The following FGFR2 variants were observed in gnomAD, a reference collection of about 807,000 sequenced individuals.
The protein encoded by FGFR2 is fibroblast growth factor receptor 2.
A neutral mutation model predicts 95.9 loss-of-function variants in FGFR2; 19 were observed. That is an observed-to-expected ratio of 0.20 (90% confidence interval 0.14 to 0.29). FGFR2 has a LOEUF of 0.29. FGFR2 is among the 10% of genes least tolerant of loss of function. The pLI, the probability that FGFR2 is intolerant of heterozygous loss-of-function variation, is 1.00. For missense variants in FGFR2, 707 were observed against 1,056.9 expected, an observed-to-expected ratio of 0.67 and a Z score of 4.59; for synonymous variants, 392 against 393.3, an observed-to-expected ratio of 1.00 and a Z score of 0.04.
intron 4 of FGFR2, among the ~76,000 whole-genome samples, chr10:121,563,496 A>T (rs1282715983): frequency 2.0e-5 from 3 of 152,236 alleles, no homozygotes; most frequent in Non-Finnish European, 2.9e-5. Flanking sequence ...ATGTAAGCAG[A>T]GAATCCCAAT....
intron 9 of FGFR2, among the ~76,000 whole-genome samples, chr10:121,510,318 A>C (rs995781672): frequency 1.3e-5 from 2 of 152,174 alleles, no homozygotes; most frequent in African/African-American, 4.8e-5. Context: ...GCCAAGGTCC[A>C]GGTCAGATCT....
rs121918497 is a variant in FGFR2 at position 121,520,052 on chromosome 10, T to G, written c.866A>C (p.Gln289Pro). 1 of 1,614,206 alleles carries G rather than the reference T, an allele frequency of 6.2e-7. No homozygotes were observed. The highest frequency in any genetic ancestry group is 8.5e-7 in the Non-Finnish European group (1 of 1,180,036). Reference protein sequence around the residue: ...KVYSDAQPHIQWIKHVEKNGS... With the variant: ...KVYSDAQPHIPWIKHVEKNGS... ...GTTCTTTTCCACGTGCTTGATCCAC[T>G]GGATGTGGGGCTGGGCATCACTGTA... Residue 289 changes from glutamine to proline, a missense_variant, in exon 7 of 18, where the codon CAG becomes CCG. Physicochemically the swap from Gln to Pro is moderately conservative, Grantham distance 76 (BLOSUM62 -1). Transcript: ENST00000358487.
chr10:121,529,352 C>T (rs1851802416), intron 6 of FGFR2, among the ~76,000 whole-genome samples: 3 of 152,316 alleles, frequency 2.0e-5, no homozygotes, highest in African/African-American at 7.2e-5. Context: ...TCAAATGATC[C>T]ACCTGCCTCA....
At chr10:121,508,167 C>T (rs565316159) in intron 9 of FGFR2, among the ~76,000 whole-genome samples, 4 of 152,254 alleles carry the variant, frequency 2.6e-5, no homozygotes, top group East Asian at 1.9e-4. Flanking sequence ...GCATACCAAG[C>T]GACGATTGTA....
intron 6 of FGFR2, among the ~76,000 whole-genome samples, chr10:121,530,136 G>C (rs548298177): frequency 3.9e-5 from 6 of 152,078 alleles, no homozygotes; most frequent in Non-Finnish European, 8.8e-5. Context: ...AAATCTCTAA[G>C]TAAGGAGCAC....
intron 2 of FGFR2, among the ~76,000 whole-genome samples, chr10:121,592,825 G>A (rs1442624101): frequency 1.3e-5 from 2 of 152,170 alleles, no homozygotes; most frequent in East Asian, 1.9e-4. Context: ...ATTAAGTGGC[G>A]ATGAGTGCTG....
intron 6 of FGFR2, chr10:121,530,177 C>T (rs547578047): frequency 1.3e-5 from 2 of 152,370 alleles, no homozygotes; most frequent in South Asian, 4.1e-4. Context: ...CCTACAGCAT[C>T]CTACCTTCTC....
chr10:121,483,608 C>A, intron 17 of FGFR2, 90 bp downstream of exon 17: 1 of 922,088 alleles, frequency 1.1e-6, no homozygotes, highest in East Asian at 2.5e-5. Flanking sequence ...AGACTCCAAC[C>A]AACAGCCAAC....
At chr10:121,486,170 G>A (rs534197130) in intron 15 of FGFR2, among the ~76,000 whole-genome samples, 2 of 152,264 alleles carry the variant, frequency 1.3e-5, no homozygotes, top group South Asian at 4.1e-4. Context: ...CAATCTCTGG[G>A]AGGAGCAAGC....
At chr10:121,596,523 T>G (rs1488010805) in intron 1 of FGFR2, 2 of 194,854 alleles carry the variant, frequency 1.0e-5, no homozygotes, top group Non-Finnish European at 2.1e-5. Context: ...AAGTCAACAG[T>G]GTCCGGCTCC....
chr10:121,481,131 C>A (rs3135821), intron 17 of FGFR2, among the ~76,000 whole-genome samples: 1 of 151,782 alleles, frequency 6.6e-6, no homozygotes, highest in Non-Finnish European at 1.5e-5. Context: ...ATATTTACTC[C>A]CTGGCCCTTT....
intron 5 of FGFR2, among the ~76,000 whole-genome samples, chr10:121,539,858 T>C (rs1791721334): frequency 1.3e-5 from 2 of 152,178 alleles, no homozygotes; most frequent in Non-Finnish European, 2.9e-5. Flanking sequence ...GAAAATCATC[T>C]CGTAACCACT....
At chr10:121,593,570 G>A (rs750473829) in intron 2 of FGFR2, 139 bp downstream of exon 2, 16 of 757,294 alleles carry the variant, frequency 2.1e-5, no homozygotes, top group Middle Eastern at 2.7e-4. Context: ...CTGCCTTGCC[G>A]GGAGCCAAGA....
Position 121,485,743 on chromosome 10 carries a change from T to C in FGFR2, c.2058-211A>G, listed in dbSNP as rs1564854431. 6.6e-6 allele frequency among the ~76,000 whole-genome samples: 1 copy of C among 152,212 alleles called. No homozygotes were observed. The highest frequency in any genetic ancestry group is 6.5e-5 in the Admixed American group (1 of 15,288). On this transcript the variant is annotated intron_variant, in intron 15 of 17. Coordinates refer to ENST00000358487, the MANE Select transcript of FGFR2 (RefSeq NM_000141.5). This position sits in a 1 kb window ranked among gnomAD's most constrained non-coding sequence, Gnocchi z 4.2. ...ATGTGCTGATGGAATTTTCCATCAATAGACAAAAAGGCAAACTGCCATCAC... is the reference window on the plus strand; with the variant it reads ...ATGTGCTGATGGAATTTTCCATCAACAGACAAAAAGGCAAACTGCCATCAC...
chr10:121,515,360 C>T lies in FGFR2; in HGVS notation c.1085-41G>A, dbSNP rs71640259. ...CAGGAGGAGGAACAGATAAGCAGGC[C>T]ATAGAGTTAGCACACCAGACTGACG... On this transcript the variant is annotated intron_variant, in intron 8 of 17. Coordinates refer to ENST00000358487, the MANE Select transcript of FGFR2 (RefSeq NM_000141.5). 1.1e-3 allele frequency: 1,716 copies of T among 1,589,860 alleles called. 2 individuals are homozygous for T. The highest frequency in any genetic ancestry group is 1.2e-3 in the Non-Finnish European group (1,392 of 1,158,216).
chr10:121,537,455 TA>T (rs1442197033), intron 6 of FGFR2, among the ~76,000 whole-genome samples: 1 of 152,256 alleles, frequency 6.6e-6, no homozygotes, highest in Non-Finnish European at 1.5e-5. Flanking sequence ...GCTTTTGGAT[TA>T]TTTTTTTAGT....
chr10:121,497,228 A>G (rs1427831681), intron 12 of FGFR2, among the ~76,000 whole-genome samples: 1 of 152,176 alleles, frequency 6.6e-6, no homozygotes, highest in Non-Finnish European at 1.5e-5. Flanking sequence ...AAAATGATAA[A>G]TAAGCCCTTG....
In FGFR2 at chr10:121,503,907, T is replaced by C. The variant is rs2134063694; in HGVS notation, c.1322A>G (p.Asn441Ser). Residue 441 changes from asparagine to serine, a missense_variant, in exon 10 of 18, where the codon AAC (asparagine) becomes AGC (serine). By Grantham distance (46) the Asn-to-Ser change is conservative (BLOSUM62 1). Transcript: ENST00000358487. ...SAESSSSMNS[N>S]TPLVRITTRL... Reference sequence around the variant, plus strand: ...TGTTGTTATCCTCACCAGCGGGGTGTTGGAGTTCATGGAGGAGCTGGACTC... The same window carrying C: ...TGTTGTTATCCTCACCAGCGGGGTGCTGGAGTTCATGGAGGAGCTGGACTC... 2 of 1,614,038 alleles carry C rather than the reference T, an allele frequency of 1.2e-6. No individual in the cohort carries two copies. The highest frequency in any genetic ancestry group is 1.7e-6 in the Non-Finnish European group (2 of 1,179,988).
In FGFR2 at chr10:121,498,619, G is replaced by T. The variant is rs1442252098; in HGVS notation, c.1562-14C>A. ...CTGTGGCATCATCTATGAACAGTAG[G>T]CATATTCACAAATCAGTTCATTTCC... On this transcript the variant is annotated splice_polypyrimidine_tract_variant and intron_variant, in intron 11 of 17. Coordinates refer to ENST00000358487, the MANE Select transcript of FGFR2 (RefSeq NM_000141.5). 1 of 1,609,630 alleles carries T rather than the reference G, an allele frequency of 6.2e-7. No homozygotes were observed. Among genetic ancestry groups the T allele is most frequent in the African/African-American group, 1.3e-5 (1 of 74,926 alleles).
Sources: allele counts gnomAD v4.1 joint callset (sites outside exome capture counted in the v4.1 genomes callset), GRCh38; gene constraint gnomAD v4.1.1; non-coding constraint Gnocchi (gnomAD v3.1); transcripts MANE v1.5; gene names NCBI Gene and HGNC (gene_info 2026-07-23, HGNC 2026-07-21).